FRMD4A: variants seen among roughly 807,000 people sequenced by gnomAD.
The protein encoded by FRMD4A is FERM domain-containing protein 4A.
FRMD4A carries 29 observed loss-of-function variants against 129.1 expected under a neutral mutation model. The ratio of observed to expected loss-of-function variants is 0.22; its 90% CI spans 0.17 to 0.31. The LOEUF is 0.31. Among genes scored for constraint, FRMD4A ranks in the 10% least tolerant of loss-of-function variants. The pLI is 1.00. For missense variants in FRMD4A, 1,272 were observed against 1,375.8 expected (o/e 0.92, Z 1.19); for synonymous variants, 634 against 571.6 (o/e 1.11, Z -1.56).
At chr10:13,948,067 A>C (rs995306553) in intron 2 of FRMD4A, among the ~76,000 whole-genome samples, 3 of 149,582 alleles carry the variant, frequency 2.0e-5, no homozygotes, top group African/African-American at 4.9e-5. Flanking sequence ...AAAAAAAAAA[A>C]CACCTTATCA....
At chr10:13,823,983 C>A (rs1050658587) in intron 3 of FRMD4A, among the ~76,000 whole-genome samples, 2 of 152,142 alleles carry the variant, frequency 1.3e-5, no homozygotes, top group Admixed American at 6.6e-5. Flanking sequence ...AAGACTGTGT[C>A]TCTATTGCCA....
In FRMD4A at chr10:13,659,506, T is replaced by A. The variant is rs2082457901; in HGVS notation, c.1899-16A>T. On this transcript the variant is annotated splice_polypyrimidine_tract_variant and intron_variant, in intron 20 of 24. Coordinates refer to ENST00000357447, the MANE Select transcript of FRMD4A (RefSeq NM_018027.5). ...CTTGTGGCTGCTGCAAAGCCAAGGA[T>A]GCCACGTGGTCACCGCCAGACAGAC... is the stretch of plus-strand genomic sequence containing the variant. The A allele has an allele frequency of 1.9e-6, 3 of 1,607,034 alleles. No individual in the cohort carries two copies. Among genetic ancestry groups the A allele is most frequent in the African/African-American group, 2.7e-5 (2 of 74,800 alleles).
intron 2 of FRMD4A, among the ~76,000 whole-genome samples, chr10:14,269,535 G>C (rs780830109): frequency 2.0e-5 from 3 of 152,110 alleles, no homozygotes; most frequent in African/African-American, 7.2e-5. Flanking sequence ...AGCCAGTGGC[G>C]TTAACATCTC....
At chr10:13,858,212 T>TC (rs2094240283) in intron 3 of FRMD4A, among the ~76,000 whole-genome samples, 1 of 152,170 alleles carries the variant, frequency 6.6e-6, no homozygotes, top group African/African-American at 2.4e-5. Context: ...GGCAGGCAGA[T>TC]CACCTGAGGT....
intron 3 of FRMD4A, among the ~76,000 whole-genome samples, chr10:13,831,839 C>T (rs2093794616): frequency 6.6e-6 from 1 of 152,132 alleles, no homozygotes; most frequent in African/African-American, 2.4e-5. Flanking sequence ...AACACCCAGG[C>T]ATTCACCGGG....
rs141437191 is a variant in FRMD4A at position 13,681,418 on chromosome 10, C to T, written c.1118-6374G>A. The stretch of plus-strand genomic sequence containing the variant: ...AACCTCTTTATTCTAGGTAGAAGGG[C>T]GAGATTTCAAAGGTTATTGATTGAG... On this transcript the variant is annotated intron_variant, in intron 15 of 24. Coordinates refer to ENST00000357447, the MANE Select transcript of FRMD4A (RefSeq NM_018027.5). 2.8e-3 allele frequency among the ~76,000 whole-genome samples: 428 copies of T among 152,036 alleles called. 4 individuals are homozygous for T. Among genetic ancestry groups the T allele is most frequent in the African/African-American group, 9.0e-3 (371 of 41,448 alleles).
intron 15 of FRMD4A, among the ~76,000 whole-genome samples, chr10:13,683,494 G>A (rs2084796421): frequency 6.6e-6 from 1 of 151,890 alleles, no homozygotes; most frequent in African/African-American, 2.4e-5. Context: ...CTGCCCAAAA[G>A]GCTGAGGCAG....
intron 2 of FRMD4A, among the ~76,000 whole-genome samples, chr10:14,117,680 A>G (rs2131805567): frequency 6.6e-6 from 1 of 152,278 alleles, no homozygotes; most frequent in Admixed American, 6.5e-5. Flanking sequence ...AGGAGGGTGG[A>G]AGGAGAATGG....
chr10:14,093,157 A>G (rs1836754801), intron 2 of FRMD4A, among the ~76,000 whole-genome samples: 1 of 152,152 alleles, frequency 6.6e-6, no homozygotes, highest in Admixed American at 6.5e-5. Flanking sequence ...CAAGGTGGGT[A>G]TTTGCAGGCT....
intron 17 of FRMD4A, chr10:13,668,510 G>A (rs1323960355): frequency 1.3e-5 from 2 of 152,232 alleles, no homozygotes; most frequent in African/African-American, 4.8e-5. Context: ...GTAGAGACCA[G>A]GTGATCATCT....
intron 4 of FRMD4A, among the ~76,000 whole-genome samples, chr10:13,808,353 A>T (rs1457356507): frequency 6.6e-6 from 1 of 152,238 alleles, no homozygotes; most frequent in Non-Finnish European, 1.5e-5. Flanking sequence ...ACACATGCAG[A>T]ATTAGAAAAC....
At chr10:14,068,642 A>C (rs1432651623) in intron 2 of FRMD4A, among the ~76,000 whole-genome samples, 1 of 152,172 alleles carries the variant, frequency 6.6e-6, no homozygotes, top group Admixed American at 6.5e-5. Context: ...ACAGAAACAA[A>C]CTTTACATTT....
chr10:13,869,063 GC>G (rs1554948575), intron 2 of FRMD4A, among the ~76,000 whole-genome samples: 2 of 152,216 alleles, frequency 1.3e-5, no homozygotes, highest in Non-Finnish European at 2.9e-5. Flanking sequence ...GGACGCTGCT[GC>G]TGCTGCTCAT....
intron 2 of FRMD4A, among the ~76,000 whole-genome samples, chr10:14,206,700 G>A (rs11258940): frequency 0.35 from 51,921 of 149,708 alleles, 8,962 homozygotes; most frequent in East Asian, 0.44. Flanking sequence ...CCAGCTACTC[G>A]GAAGGCTGAG....
At chr10:14,323,751 G>A (rs1055184728) in intron 2 of FRMD4A, among the ~76,000 whole-genome samples, 1 of 152,162 alleles carries the variant, frequency 6.6e-6, no homozygotes, top group Admixed American at 6.5e-5. Context: ...ACATTAGCCA[G>A]CCTGATTAGT....
At chr10:13,798,642 G>A (rs1425570853) in intron 4 of FRMD4A, among the ~76,000 whole-genome samples, 1 of 152,174 alleles carries the variant, frequency 6.6e-6, no homozygotes, top group Non-Finnish European at 1.5e-5. Flanking sequence ...GCATGAACCT[G>A]GGAGGTGGAG....
rs144770798 is a variant in FRMD4A at position 14,034,643 on chromosome 10, C to T, written c.46-175731G>A. Among the ~76,000 whole-genome samples, 123 of 152,304 alleles carry T rather than the reference C, an allele frequency of 8.1e-4. 1 individual carries two copies. The highest frequency in any genetic ancestry group is 7.5e-3 in the Admixed American group (115 of 15,300). ...TGGGTGGGTCTCTACCTGCACTTTA[C>T]AACCCTAATCAATAAATAACCTGAG... On this transcript the variant is annotated intron_variant, in intron 2 of 24. Transcript: ENST00000357447.
intron 6 of FRMD4A, among the ~76,000 whole-genome samples, chr10:13,768,609 T>TATC (rs2092360294): frequency 6.6e-6 from 1 of 152,224 alleles, no homozygotes; most frequent in Non-Finnish European, 1.5e-5. Flanking sequence ...TCTCACCAGT[T>TATC]ATCACCACGT....
chr10:13,700,575 C>T (rs1388346264), intron 14 of FRMD4A, among the ~76,000 whole-genome samples: 1 of 152,126 alleles, frequency 6.6e-6, no homozygotes, highest in Non-Finnish European at 1.5e-5. Context: ...AGGGCTCTTC[C>T]CCTGAGGGAG....
Sources: allele counts gnomAD v4.1 joint callset (sites outside exome capture counted in the v4.1 genomes callset), GRCh38; gene constraint gnomAD v4.1.1; transcripts MANE v1.5; gene names NCBI Gene and HGNC (gene_info 2026-07-23, HGNC 2026-07-21).